The following PHLDB2 variants were observed in gnomAD, a reference collection of about 807,000 sequenced individuals.
PHLDB2 encodes pleckstrin homology-like domain family B member 2.
Under a neutral mutation model 123.6 loss-of-function variants are expected in PHLDB2, and 71 were observed. The ratio of observed to expected loss-of-function variants is 0.57; its 90% CI spans 0.47 to 0.70. The LOEUF is 0.70. PHLDB2 is among the 30% of genes least tolerant of loss of function. The probability of loss-of-function intolerance (pLI) is 0.00; values close to 1 mark genes in which losing one functional copy is unlikely to be tolerated. For missense variants in PHLDB2, 1,446 were observed against 1,519.5 expected, an observed-to-expected ratio of 0.95 and a Z score of 0.80; for synonymous variants, 547 against 541.6, an observed-to-expected ratio of 1.01 and a Z score of -0.14.
chr3:111,849,219 G>A (rs1035935486), intron 2 of PHLDB2, among the ~76,000 whole-genome samples: 2 of 152,080 alleles, frequency 1.3e-5, no homozygotes, highest in Non-Finnish European at 2.9e-5. Flanking sequence ...TGCCTAGGCT[G>A]GAATGCATTG....
intron 13 of PHLDB2, among the ~76,000 whole-genome samples, chr3:111,964,285 CCACA>C (rs144106916): frequency 6.7e-6 from 1 of 150,316 alleles, no homozygotes; most frequent in Non-Finnish European, 1.5e-5. Context: ...ATGTGTCTCA[CCACA>C]CACACACACA....
At chr3:111,829,842 T>A (rs1309821165) in intron 1 of PHLDB2, among the ~76,000 whole-genome samples, 15 of 151,930 alleles carry the variant, frequency 9.9e-5, no homozygotes, top group African/African-American at 3.6e-4. Context: ...TTTCACTAGA[T>A]CCTAAACTCA....
intron 1 of PHLDB2, among the ~76,000 whole-genome samples, chr3:111,878,645 T>C (rs2065777927): frequency 6.6e-6 from 1 of 152,224 alleles, no homozygotes; most frequent in South Asian, 2.1e-4. Context: ...TCAAAGGGAA[T>C]GCTTCCGGTT....
chr3:111,952,327 G>T (rs990792613), intron 10 of PHLDB2, among the ~76,000 whole-genome samples: 1 of 152,200 alleles, frequency 6.6e-6, no homozygotes, highest in African/African-American at 2.4e-5. Flanking sequence ...AAGGCCGCAG[G>T]CACTACAGAA....
intron 16 of PHLDB2, among the ~76,000 whole-genome samples, chr3:111,973,189 G>T (rs1486087960): frequency 6.6e-6 from 1 of 152,114 alleles, no homozygotes; most frequent in East Asian, 1.9e-4. Context: ...TTTGGAAATT[G>T]TTGCATTGAA....
chr3:111,750,774 C>A (rs2059756055), intron 1 of PHLDB2, among the ~76,000 whole-genome samples: 1 of 151,900 alleles, frequency 6.6e-6, no homozygotes, highest in African/African-American at 2.4e-5. Flanking sequence ...GGTGAAACCC[C>A]ACCTCTACTA....
chr3:111,797,506 A>G (rs2061210981), intron 1 of PHLDB2, among the ~76,000 whole-genome samples: 1 of 152,206 alleles, frequency 6.6e-6, no homozygotes, highest in African/African-American at 2.4e-5. Context: ...CTTGAAAGCA[A>G]TTCAATCCAT....
At chr3:111,787,093 G>T (rs1330207538) in intron 1 of PHLDB2, among the ~76,000 whole-genome samples, 1 of 152,210 alleles carries the variant, frequency 6.6e-6, no homozygotes, top group Non-Finnish European at 1.5e-5. Flanking sequence ...GTTTAGTGGT[G>T]ATGACAGCCT....
chr3:111,945,407 A>T (rs2070229813), intron 9 of PHLDB2, 50 bp downstream of exon 9: 3 of 1,345,914 alleles, frequency 2.2e-6, no homozygotes, highest in Non-Finnish European at 3.2e-6. Flanking sequence ...AAATCAGGAG[A>T]TGTATTTCAG....
At chr3:111,794,256 C>G (rs1159204912) in intron 1 of PHLDB2, among the ~76,000 whole-genome samples, 1 of 151,704 alleles carries the variant, frequency 6.6e-6, no homozygotes, top group Non-Finnish European at 1.5e-5. Flanking sequence ...CCCTGCTTTA[C>G]TTTCCACCGT....
At position 111,772,756 on chromosome 3, in the gene PHLDB2, C is replaced by CT. The variant is rs1205863417; in HGVS notation, c.-49+40055dup. The stretch of plus-strand genomic sequence containing the variant: ...GAAGGGCTTAGCTATACCTATAGAG[C>CT]TTATCTGTTTGCCTTGACTGTCCAT... On this transcript the variant is annotated intron_variant, in intron 1 of 17. Transcript: ENST00000393923. Among the ~76,000 whole-genome samples, 4 of 152,172 alleles carry CT rather than the reference C, an allele frequency of 2.6e-5. No homozygotes were observed. In the East Asian group the frequency reaches 7.7e-4, roughly 29 times the overall value.
intron 1 of PHLDB2, among the ~76,000 whole-genome samples, chr3:111,845,118 G>A (rs1299815304): frequency 1.3e-5 from 2 of 152,196 alleles, no homozygotes; most frequent in East Asian, 3.9e-4. Context: ...ACTTTGGAAG[G>A]TCGAGGTGGG....
At chr3:111,868,073 C>T (rs1018959666) in intron 1 of PHLDB2, among the ~76,000 whole-genome samples, 6 of 151,890 alleles carry the variant, frequency 4.0e-5, no homozygotes, top group Non-Finnish European at 8.8e-5. Flanking sequence ...GATCATGGCT[C>T]ACTGCAGCCT....
chr3:111,741,190 C>G (rs1397568240), intron 1 of PHLDB2, among the ~76,000 whole-genome samples: 1 of 152,116 alleles, frequency 6.6e-6, no homozygotes, highest in Non-Finnish European at 1.5e-5. Context: ...CTCTGTTTTC[C>G]TACTTTCAAA....
At chr3:111,823,475 C>T (rs536402503) in intron 1 of PHLDB2, among the ~76,000 whole-genome samples, 7 of 152,232 alleles carry the variant, frequency 4.6e-5, no homozygotes, top group Admixed American at 2.0e-4. Flanking sequence ...TTAAGGAAAA[C>T]AATGCCCCTA....
intron 1 of PHLDB2, among the ~76,000 whole-genome samples, chr3:111,874,150 A>ATGC (rs1435928881): frequency 1.3e-5 from 2 of 152,068 alleles, no homozygotes; most frequent in African/African-American, 4.8e-5. Flanking sequence ...AAGTGGCTTT[A>ATGC]TGCTACTTTT....
At chr3:111,784,399 A>G (rs2060601418) in intron 1 of PHLDB2, among the ~76,000 whole-genome samples, 1 of 152,166 alleles carries the variant, frequency 6.6e-6, no homozygotes, top group South Asian at 2.1e-4. Flanking sequence ...TCTTTGAACA[A>G]CAAAATACCA....
intron 1 of PHLDB2, among the ~76,000 whole-genome samples, chr3:111,819,015 C>T (rs1021104225): frequency 2.6e-5 from 4 of 152,082 alleles, no homozygotes; most frequent in African/African-American, 7.2e-5. Flanking sequence ...CCTAGAAATC[C>T]GAGATTAGAA....
chr3:111,874,373 AT>A (rs2065496350), intron 1 of PHLDB2, among the ~76,000 whole-genome samples: 1 of 152,198 alleles, frequency 6.6e-6, no homozygotes, highest in Non-Finnish European at 1.5e-5. Flanking sequence ...AGGAAATGAT[AT>A]CTCTTACCGT....
Sources: allele counts gnomAD v4.1 joint callset (sites outside exome capture counted in the v4.1 genomes callset), GRCh38; gene constraint gnomAD v4.1.1; transcripts MANE v1.5; gene names NCBI Gene and HGNC (gene_info 2026-07-23, HGNC 2026-07-21).